Variants in STXBP5L observed in about 807,000 individuals in gnomAD.
The protein encoded by STXBP5L is syntaxin binding protein 5L.
In STXBP5L, 65 loss-of-function variants were observed where a neutral mutation model predicts 144.5. The ratio of observed to expected loss-of-function variants is 0.45; its 90% confidence interval spans 0.37 to 0.55. The LOEUF (loss-of-function observed/expected upper bound fraction) is 0.55, where lower values mean the gene tolerates loss of function less well. Among genes scored for constraint, STXBP5L ranks in the 20% least tolerant of loss-of-function variants. The probability of loss-of-function intolerance (pLI) is 0.00; values close to 1 mark genes in which losing one functional copy is unlikely to be tolerated. For synonymous variants in STXBP5L, 505 were observed against 469.6 expected, an observed-to-expected ratio of 1.08 and a Z score of -0.97; for missense variants, 1,298 against 1,405.5, an observed-to-expected ratio of 0.92 and a Z score of 1.22.
chr3:121,386,964 C>T (rs1336772133), intron 22 of STXBP5L, among the ~76,000 whole-genome samples: 1 of 152,150 alleles, frequency 6.6e-6, no homozygotes, highest in African/African-American at 2.4e-5. Flanking sequence ...GTTCCAGATC[C>T]TTGAGGAATT....
intron 19 of STXBP5L, among the ~76,000 whole-genome samples, chr3:121,287,558 C>T (rs139419147): frequency 3.3e-5 from 5 of 152,176 alleles, no homozygotes; most frequent in East Asian, 3.9e-4. Context: ...GGGCCGGGCG[C>T]GGTGGCTCAT....
At chr3:121,202,378 A>G (rs1209572362) in intron 9 of STXBP5L, among the ~76,000 whole-genome samples, 3 of 152,184 alleles carry the variant, frequency 2.0e-5, no homozygotes, top group African/African-American at 2.4e-5. Flanking sequence ...CAGATCTCAC[A>G]ATACAATTAT....
At chr3:121,084,359 C>T (rs1576894831) in intron 5 of STXBP5L, among the ~76,000 whole-genome samples, 2 of 152,144 alleles carry the variant, frequency 1.3e-5, no homozygotes, top group South Asian at 4.1e-4. Flanking sequence ...TGCTCTCCCT[C>T]CCCGCCTACC....
chr3:121,386,023 G>A (rs1021855083), intron 22 of STXBP5L, among the ~76,000 whole-genome samples: 1 of 151,938 alleles, frequency 6.6e-6, no homozygotes, highest in Non-Finnish European at 1.5e-5. Context: ...ATTTAGTTAA[G>A]GTCTTTTGAT....
intron 22 of STXBP5L, among the ~76,000 whole-genome samples, chr3:121,403,608 CTT>C (rs1560061082): frequency 6.6e-6 from 1 of 152,038 alleles, no homozygotes; most frequent in Non-Finnish European, 1.5e-5. Context: ...AGACAAAAGT[CTT>C]TGCCTTCATA....
intron 2 of STXBP5L, chr3:120,924,537 C>G (rs1327860171): frequency 6.6e-6 from 1 of 152,422 alleles, no homozygotes; most frequent in Admixed American, 6.5e-5. Flanking sequence ...ATGTCAGAGA[C>G]AATTACAAAG....
At chr3:121,361,473 T>G (rs1269402034) in intron 20 of STXBP5L, among the ~76,000 whole-genome samples, 1 of 152,104 alleles carries the variant, frequency 6.6e-6, no homozygotes, top group Non-Finnish European at 1.5e-5. Context: ...TGCTTCATTC[T>G]TTTTTATTCT....
chr3:121,386,578 G>A (rs1219718998), intron 22 of STXBP5L, among the ~76,000 whole-genome samples: 2 of 151,906 alleles, frequency 1.3e-5, no homozygotes, highest in Non-Finnish European at 2.9e-5. Flanking sequence ...ACAGGTCCCA[G>A]TGTGTGATGT....
At chr3:121,199,916 T>C (rs960757448) in intron 9 of STXBP5L, among the ~76,000 whole-genome samples, 1 of 152,208 alleles carries the variant, frequency 6.6e-6, no homozygotes, top group African/African-American at 2.4e-5. Flanking sequence ...TGTATTGATG[T>C]TCATCAGGGA....
At chr3:121,105,213 T>C (rs2043637003) in intron 5 of STXBP5L, among the ~76,000 whole-genome samples, 1 of 151,840 alleles carries the variant, frequency 6.6e-6, no homozygotes, top group Non-Finnish European at 1.5e-5. Context: ...CTGGCCAACA[T>C]GGTGAAAGCC....
chr3:120,962,618 T>C (rs1938988413), intron 3 of STXBP5L, among the ~76,000 whole-genome samples: 1 of 152,196 alleles, frequency 6.6e-6, no homozygotes, highest in Admixed American at 6.5e-5. Context: ...AGGGCTCTGT[T>C]CTGTTCCATT....
At chr3:121,314,085 CG>C (rs1263399898) in intron 19 of STXBP5L, among the ~76,000 whole-genome samples, 4 of 147,906 alleles carry the variant, frequency 2.7e-5, no homozygotes, top group Non-Finnish European at 4.5e-5. Context: ...GGATGGCGGC[CG>C]GGCAGAGACG....
chr3:120,992,164 T>C (rs1038600408), intron 3 of STXBP5L, among the ~76,000 whole-genome samples: 1 of 152,122 alleles, frequency 6.6e-6, no homozygotes, highest in Non-Finnish European at 1.5e-5. Flanking sequence ...TATTTATTTT[T>C]AGATTGATTC....
chr3:120,996,091 A>G (rs1021535036), intron 3 of STXBP5L, among the ~76,000 whole-genome samples: 3 of 152,034 alleles, frequency 2.0e-5, no homozygotes, highest in Non-Finnish European at 4.4e-5. Flanking sequence ...TCTGGCCTCT[A>G]TAGTTTCAGA....
At chr3:121,048,381 A>G (rs1947671947) in intron 5 of STXBP5L, among the ~76,000 whole-genome samples, 1 of 151,784 alleles carries the variant, frequency 6.6e-6, no homozygotes, top group Non-Finnish European at 1.5e-5. Context: ...CTGAATTTGT[A>G]TTTTGGCCTC....
At chr3:120,991,678 G>T (rs1365800202) in intron 3 of STXBP5L, among the ~76,000 whole-genome samples, 5 of 152,180 alleles carry the variant, frequency 3.3e-5, no homozygotes, top group South Asian at 4.1e-4. Flanking sequence ...CATGTCCTTT[G>T]TAGGGACGTG....
At chr3:121,058,640 G>A (rs2107620728) in intron 5 of STXBP5L, among the ~76,000 whole-genome samples, 1 of 152,232 alleles carries the variant, frequency 6.6e-6, no homozygotes, top group African/African-American at 2.4e-5. Flanking sequence ...AGCATCTGTT[G>A]TTTCCTGACT....
In STXBP5L at chr3:121,414,956, G is replaced by A. The variant is rs116770395; in HGVS notation, c.3115-901G>A. Among the ~76,000 whole-genome samples, 201 of 152,292 alleles carry A rather than the reference G, an allele frequency of 1.3e-3. 1 individual carries two copies. Among genetic ancestry groups the A allele is most frequent in the African/African-American group, 4.5e-3 (187 of 41,568 alleles). On this transcript the variant is annotated intron_variant, in intron 24 of 26. Transcript: ENST00000471454. ...GTTATTAGATAATAGGAGTGGAAAG[G>A]AAGGAATTAGTCATTTCTCGGTTTC... is the stretch of plus-strand genomic sequence containing the variant.
At chr3:121,352,231 G>A (rs1476074915) in intron 20 of STXBP5L, among the ~76,000 whole-genome samples, 1 of 152,086 alleles carries the variant, frequency 6.6e-6, no homozygotes, top group East Asian at 1.9e-4. Context: ...AAAGTCATTG[G>A]TAGCTTGATG....
Sources: gnomAD v4.1 joint callset for allele counts (sites outside exome capture counted in the v4.1 genomes callset) on GRCh38, gnomAD v4.1.1 for gene constraint, MANE v1.5 for transcripts, NCBI Gene and HGNC (gene_info 2026-07-23, HGNC 2026-07-21) for gene names.